Variants in HSPA14 observed in about 807,000 individuals in gnomAD.
HSPA14 encodes heat shock 70 kDa protein 14.
HSPA14 carries 37 observed loss-of-function variants against 65.5 expected under a neutral mutation model. The ratio of observed to expected loss-of-function variants is 0.56; its 90% CI spans 0.43 to 0.74. The LOEUF is 0.74. Ranked by LOEUF, HSPA14 falls within the 30% of genes least tolerant of loss-of-function variation. The probability of loss-of-function intolerance (pLI) is 0.00; values close to 1 mark genes in which losing one functional copy is unlikely to be tolerated. For missense variants in HSPA14, 564 were observed against 607.6 expected, an observed-to-expected ratio of 0.93 and a Z score of 0.75; for synonymous variants, 203 against 214.2, an observed-to-expected ratio of 0.95 and a Z score of 0.46.
rs1158181415 is a variant in HSPA14, at chr10:14,842,508, AG to A, written c.221+2353del. 1.3e-6 allele frequency: 2 copies of A among 1,536,162 alleles called. No individual in the cohort carries two copies. The highest frequency in any genetic ancestry group is 2.0e-5 in the Admixed American group (1 of 51,008). On this transcript the variant is annotated intron_variant, in intron 3 of 13. Coordinates refer to ENST00000378372, the MANE Select transcript of HSPA14 (RefSeq NM_016299.4). The surrounding 1 kb of genome is among the most constrained non-coding windows in gnomAD (Gnocchi z 5.2). ...AAAGTTCTGAAGGCATTATATTTAA[AG>A]GCCTATGTTGCCCATGCCACAAGTA...
Position 14,843,502 on chromosome 10 carries a change from C to T in HSPA14, c.221+3345C>T, listed in dbSNP as rs754300321. ...GCCCAGCCCCTGCACCAGCACCAAC[C>T]GCAGCACTCCTGGGGTAGCCTCCAC... On this transcript the variant is annotated intron_variant, in intron 3 of 13. Transcript: ENST00000378372. 1.7e-4 allele frequency: 256 copies of T among 1,550,662 alleles called. 4 individuals carry two copies. In the South Asian group the frequency reaches 2.0e-3, roughly 12 times the overall value.
intron 10 of HSPA14, among the ~76,000 whole-genome samples, chr10:14,864,404 CAT>C (rs1371367667): frequency 1.3e-5 from 2 of 151,450 alleles, no homozygotes; most frequent in Non-Finnish European, 2.9e-5. Context: ...CATATGTACA[CAT>C]GTGCCATGTT....
At chr10:14,843,979 GTGTCCTC>G in intron 3 of HSPA14, 2 of 1,488,914 alleles carry the variant, frequency 1.3e-6, no homozygotes, top group Admixed American at 4.8e-5. Context: ...CTCCTTTTCT[GTGTCCTC>G]AGAAAAAAAC....
Position 14,842,236 on chromosome 10 carries a change from C to A in HSPA14, c.221+2079C>A, listed in dbSNP as rs1219630226. 6.5e-7 allele frequency: 1 copy of A among 1,535,652 alleles called. No homozygotes were observed. Among genetic ancestry groups the A allele is most frequent in the Admixed American group, 2.0e-5 (1 of 51,002 alleles). Reference sequence around the variant, plus strand: ...CACAGAGCTTCCCCACACCTTCAGACTTGCACCTTGCTGTCCAGAAGCTGC... The same window carrying A: ...CACAGAGCTTCCCCACACCTTCAGAATTGCACCTTGCTGTCCAGAAGCTGC... On this transcript the variant is annotated intron_variant, in intron 3 of 13. Transcript: ENST00000378372. This position sits in a 1 kb window ranked among gnomAD's most constrained non-coding sequence, Gnocchi z 5.2.
intron 3 of HSPA14, chr10:14,845,595 A>AT (rs1282242169): frequency 4.8e-5 from 44 of 909,096 alleles, no homozygotes; most frequent in Middle Eastern, 5.6e-4. Flanking sequence ...TTCTATTATT[A>AT]TTATTTTTTT....
Position 14,854,138 on chromosome 10 carries a change from G to A in HSPA14, c.748G>A (p.Asp250Asn). 1 of 1,601,504 alleles carries A rather than the reference G, an allele frequency of 6.2e-7. No individual in the cohort carries two copies. Among genetic ancestry groups the A allele is most frequent in the Non-Finnish European group, 8.5e-7 (1 of 1,176,644 alleles). ...TTTTTAATTTAGATCCTTCAAACAT[G>A]ATGTGAGAGGAAATGCGCGAGCCAT... ...ASEFQRSFKH[D>N]VRGNARAMMK... The change falls in exon 9 of 14, where the codon GAT (aspartate) becomes AAT (asparagine). Residue 250 changes from aspartate to asparagine, a missense_variant. Transcript: ENST00000378372.
At chr10:14,846,715 T>A (rs1834059458) in intron 3 of HSPA14, 1 of 983,458 alleles carries the variant, frequency 1.0e-6, no homozygotes, top group Non-Finnish European at 1.2e-6. Flanking sequence ...ATGAGCACTT[T>A]CAGACATGTA....
intron 3 of HSPA14, chr10:14,844,659 T>C (rs1834023803): frequency 1.0e-6 from 1 of 981,868 alleles, no homozygotes; most frequent in Non-Finnish European, 1.2e-6. Context: ...GGAGCCGCCA[T>C]TGTGTGTTAC....
At chr10:14,863,726 T>C (rs116698162) in intron 10 of HSPA14, among the ~76,000 whole-genome samples, 1,527 of 152,288 alleles carry the variant, frequency 0.01, 29 homozygotes, top group African/African-American at 0.035. Context: ...CTCTCACTCT[T>C]ACCCTCTTTA....
chr10:14,845,220 A>G (rs1268398060), intron 3 of HSPA14: 1 of 985,150 alleles, frequency 1.0e-6, no homozygotes, highest in Non-Finnish European at 1.2e-6. Context: ...ACTAACTTAA[A>G]GCTTTTAGTG....
At position 14,852,249 on chromosome 10, in the gene HSPA14, T is replaced by C. The variant is rs1834113715; in HGVS notation, c.573-121T>C. The C allele has an allele frequency of 9.0e-6, 7 of 773,822 alleles. No individual in the cohort carries two copies. The Admixed American group carries it at 1.5e-4, about 17-fold the overall frequency. 47.9% of individuals were successfully genotyped at this position (773,822 alleles called of 1,614,324 possible). On this transcript the variant is annotated intron_variant, in intron 7 of 13. Transcript: ENST00000378372. ...TAAGTGACTATAGACAACTTAGTTA[T>C]TCACCTGAGATTTTCTATTTCCTCA...
chr10:14,858,023 A>G (rs1240081306), intron 10 of HSPA14, among the ~76,000 whole-genome samples: 1 of 152,090 alleles, frequency 6.6e-6, no homozygotes, highest in Non-Finnish European at 1.5e-5. Context: ...TGGAAGGTGC[A>G]TGGGCTTGGA....
At chr10:14,840,383 A>G (rs1183724361) in intron 3 of HSPA14, among the ~76,000 whole-genome samples, 2 of 152,170 alleles carry the variant, frequency 1.3e-5, no homozygotes, top group African/African-American at 2.4e-5. Context: ...TGACAGGTCA[A>G]TTTGGTAATT....
intron 3 of HSPA14, chr10:14,845,308 A>G: frequency 3.0e-6 from 3 of 985,472 alleles, no homozygotes; most frequent in Non-Finnish European, 3.6e-6. Context: ...GAAGTTGGAA[A>G]AATAACAAAG....
At chr10:14,841,365 G>A (rs1833969009) in intron 3 of HSPA14, 1 of 152,126 alleles carries the variant, frequency 6.6e-6, no homozygotes, top group South Asian at 2.1e-4. Flanking sequence ...CCAAATCACT[G>A]AGCAGCCAAC....
intron 10 of HSPA14, among the ~76,000 whole-genome samples, chr10:14,862,360 CTCTT>C (rs1365822621): frequency 3.4e-5 from 5 of 148,710 alleles, no homozygotes; most frequent in African/African-American, 1.2e-4. Flanking sequence ...ATTGAGAAAG[CTCTT>C]TCTTTTCTTT....
At chr10:14,861,381 T>C (rs957060863) in intron 10 of HSPA14, among the ~76,000 whole-genome samples, 8 of 152,166 alleles carry the variant, frequency 5.3e-5, no homozygotes, top group African/African-American at 1.9e-4. Flanking sequence ...GCTGGAATGC[T>C]GTGGCTCAAT....
chr10:14,844,143 C>T (rs1203624829), intron 3 of HSPA14: 1 of 1,316,198 alleles, frequency 7.6e-7, no homozygotes, highest in Non-Finnish European at 9.7e-7. Context: ...GCTGGTTCAT[C>T]CTAGCTTTGT....
In HSPA14 at chr10:14,871,559, C is replaced by T; in HGVS notation, c.1483C>T (p.Gln495Ter). The part of the protein sequence containing the change: ...DGSLHVTCTD[Q>*]ETGKCEAISI... ...ATCTTTACATGTGACATGCACAGAT[C>T]AAGAAACTGGAAAATGTGAAGCAAT... Residue 495 changes from glutamine (Q) to a stop codon, truncating the protein, a stop_gained, in exon 14 of 14, where the codon CAA becomes TAA. Coordinates refer to ENST00000378372, the MANE Select transcript of HSPA14 (RefSeq NM_016299.4). LOFTEE classifies it high-confidence loss of function. The T allele has an allele frequency of 6.3e-7, 1 of 1,596,268 alleles. No individual in the cohort carries two copies. Among genetic ancestry groups the T allele is most frequent in the Non-Finnish European group, 8.6e-7 (1 of 1,169,520 alleles).
Sources: allele counts gnomAD v4.1 joint callset (sites outside exome capture counted in the v4.1 genomes callset), GRCh38; gene constraint gnomAD v4.1.1; non-coding constraint Gnocchi (gnomAD v3.1); transcripts MANE v1.5; gene names NCBI Gene and HGNC (gene_info 2026-07-23, HGNC 2026-07-21).